The following TAFAZZIN variants were observed in gnomAD, a reference collection of about 807,000 sequenced individuals.
TAFAZZIN encodes protein G4.5.
In TAFAZZIN, 6 loss-of-function variants were observed where a neutral mutation model predicts 27.3. The observed-to-expected ratio is 0.22, with a 90% CI of 0.12 to 0.43. The LOEUF (loss-of-function observed/expected upper bound fraction) is 0.43, where lower values mean the gene tolerates loss of function less well. Ranked by LOEUF, TAFAZZIN falls within the 20% of genes least tolerant of loss-of-function variation. The probability of loss-of-function intolerance (pLI) is 1.00; values close to 1 mark genes in which losing one functional copy is unlikely to be tolerated. For synonymous variants in TAFAZZIN, 79 were observed against 96.2 expected (o/e 0.82, Z 1.04); for missense variants, 127 against 244.5 (o/e 0.52, Z 3.21).
rs1557190532 is a variant in TAFAZZIN, at chrX:154,411,697, G to T, written c.-147G>T. 1.8e-6 allele frequency: 1 copy of T among 558,561 alleles called. No individual in the cohort carries two copies. Among genetic ancestry groups the T allele is most frequent in the Non-Finnish European group, 2.9e-6 (1 of 339,259 alleles). 46.0% of individuals were successfully genotyped at this position (558,561 alleles called of 1,213,427 possible). A position where few individuals can be genotyped will look rare whatever the true frequency, so the allele number is the denominator to read the frequency against. ...CGGCCTGACCTGCGAAGGGACCTCG[G>T]TCCAGTCCCCTGTTGCGCCGCGCCC... On this transcript the variant is annotated 5_prime_UTR_variant, in exon 1 of 11. Coordinates refer to ENST00000601016, the MANE Select transcript of TAFAZZIN (RefSeq NM_000116.5).
At chrX:154,419,912 C>A in intron 7 of TAFAZZIN, 120 bp from the exon 8 acceptor site, 1 of 1,106,406 alleles carries the variant, frequency 9.0e-7, no homozygotes, top group Non-Finnish European at 1.2e-6. Flanking sequence ...CTCGCAGGGG[C>A]TTGCCCAAGG....
At chrX:154,413,992 C>G (rs1312482635) in intron 4 of TAFAZZIN, 109 bp from the exon 5 acceptor site, 1 of 558,372 alleles carries the variant, frequency 1.8e-6, no homozygotes, top group African/African-American at 2.3e-5. Context: ...CATTTTGATC[C>G]CTATTCTCCA....
intron 7 of TAFAZZIN, 107 bp downstream of exon 7, chrX:154,419,853 C>T (rs1021093944): frequency 4.3e-5 from 48 of 1,124,642 alleles, no homozygotes; most frequent in East Asian, 2.1e-4. Flanking sequence ...GGTAGATGGG[C>T]GTGTTTGTAG....
intron 5 of TAFAZZIN, among the ~76,000 whole-genome samples, chrX:154,415,512 ATAGG>A (rs782345304): frequency 4.5e-5 from 5 of 111,317 alleles, no homozygotes; most frequent in African/African-American, 1.6e-4. Flanking sequence ...AGGTGGGTAG[ATAGG>A]TAGGTAGGTA....
At chrX:154,416,137 C>T (rs1042815230) in intron 5 of TAFAZZIN, among the ~76,000 whole-genome samples, 7 of 110,060 alleles carry the variant, frequency 6.4e-5, no homozygotes, top group Admixed American at 9.7e-5. Flanking sequence ...CGGTGGCTCA[C>T]GCCTGTAATC....
At chrX:154,415,120 G>A (rs1411898858) in intron 5 of TAFAZZIN, among the ~76,000 whole-genome samples, 1 of 110,313 alleles carries the variant, frequency 9.1e-6, no homozygotes, top group Non-Finnish European at 1.9e-5. Flanking sequence ...TTGAGACAAT[G>A]TCTGTTTCTG....
At chrX:154,417,716 C>T (rs1199001744) in intron 5 of TAFAZZIN, among the ~76,000 whole-genome samples, 2 of 111,807 alleles carry the variant, frequency 1.8e-5, no homozygotes, top group African/African-American at 6.5e-5. Context: ...CTTTCTGCTG[C>T]TTTTGGAGGC....
At chrX:154,419,942 G>A in intron 7 of TAFAZZIN, 90 bp from the exon 8 acceptor site, 2 of 1,143,461 alleles carry the variant, frequency 1.7e-6, no homozygotes, top group Non-Finnish European at 2.4e-6. Flanking sequence ...TGAACTGGAG[G>A]ATGTCGGGGG....
chrX:154,413,207 G>A lies in TAFAZZIN; in HGVS notation c.239G>A (p.Gly80Glu). Residue 80 changes from glycine (G) to glutamate (E), a missense_variant and splice_region_variant, in exon 3 of 11, where the codon GGG becomes GAG. Coordinates refer to ENST00000601016, the MANE Select transcript of TAFAZZIN (RefSeq NM_000116.5). ...QSCMDDPHLW[G>E]ILKLRHIWNL... ...GCATGAAGCCTTTCCTGTCCTCTAGGGATCCTGAAACTCCGCCACATCTGG... is the reference window on the plus strand; with the variant it reads ...GCATGAAGCCTTTCCTGTCCTCTAGAGATCCTGAAACTCCGCCACATCTGG... The A allele has an allele frequency of 8.2e-7, 1 of 1,212,141 alleles. No homozygotes were observed. The highest frequency in any genetic ancestry group is 1.1e-6 in the Non-Finnish European group (1 of 895,563).
At chrX:154,417,802 G>C (rs782733449) in intron 5 of TAFAZZIN, among the ~76,000 whole-genome samples, 1 of 111,718 alleles carries the variant, frequency 9.0e-6, no homozygotes, top group Non-Finnish European at 1.9e-5. Flanking sequence ...GCAAATGACC[G>C]TGGCATTGTT....
intron 9 of TAFAZZIN, 51 bp from the exon 10 acceptor site, chrX:154,420,607 G>T (rs782324629): frequency 7.6e-6 from 9 of 1,186,953 alleles, no homozygotes; most frequent in South Asian, 5.3e-5. Flanking sequence ...CTTGGGCTGG[G>T]GCTGTGGGCA....
intron 5 of TAFAZZIN, among the ~76,000 whole-genome samples, chrX:154,416,796 A>G (rs1156362170): frequency 9.0e-6 from 1 of 111,253 alleles, no homozygotes; most frequent in African/African-American, 3.3e-5. Flanking sequence ...CTGTGGAAGG[A>G]GAGCAGTCCC....
rs782523340 is a variant in TAFAZZIN at position 154,420,975 on chromosome X, C to T, written c.850C>T (p.Leu284Phe). 12 of 1,211,739 alleles carry T rather than the reference C, an allele frequency of 9.9e-6. No individual in the cohort carries two copies. Among genetic ancestry groups the T allele is most frequent in the Non-Finnish European group, 1.3e-5 (12 of 895,254 alleles). The stretch of plus-strand genomic sequence containing the variant: ...GCATCTGAAGACTCAGGCAGAGCAG[C>T]TCCACAACCACCTCCAGCCTGGGAG... ...FQHLKTQAEQ[L>F]HNHLQPGR is the part of the protein sequence containing the mutation. Residue 284 changes from leucine to phenylalanine, a missense_variant, in exon 11 of 11, where the codon CTC becomes TTC. This residue lies in a region of TAFAZZIN where 31 missense variants were observed against 39.6 expected (regional missense o/e 0.78). Transcript: ENST00000601016.
chrX:154,411,626 C>T lies in TAFAZZIN; in HGVS notation c.-218C>T, dbSNP rs2068292477. 6.4e-6 allele frequency: 3 copies of T among 465,140 alleles called. No homozygotes were observed. The highest frequency in any genetic ancestry group is 5.0e-5 in the African/African-American group (2 of 40,195). 38.3% of individuals were successfully genotyped at this position (465,140 alleles called of 1,213,427 possible). ...GCAGCGCGCCCACGGCCTGTGACCCCGGCGACCGCTCCCCAGTGACGAGAG... is the reference window on the plus strand; with the variant it reads ...GCAGCGCGCCCACGGCCTGTGACCCTGGCGACCGCTCCCCAGTGACGAGAG... On this transcript the variant is annotated 5_prime_UTR_variant, in exon 1 of 11. Transcript: ENST00000601016.
Position 154,420,716 on chromosome X carries a change from G to A in TAFAZZIN, c.758G>A (p.Arg253Gln), listed in dbSNP as rs782653725. Residue 253 changes from arginine to glutamine, a missense_variant, in exon 10 of 11, where the codon CGG becomes CAG. Arg to Gln is a conservative substitution (Grantham distance 43, BLOSUM62 1). Transcript: ENST00000601016. ...FSALPVLERL[R>Q]AENKSAVEMR... is the part of the protein sequence containing the mutation. ...GCCCTGCCTGTACTCGAGCGGCTCC[G>A]GGCGGAGAACAAGTCGGCTGTGAGT... is the stretch of plus-strand genomic sequence containing the variant. The A allele has an allele frequency of 2.0e-5, 24 of 1,209,097 alleles. No homozygotes were observed. Among genetic ancestry groups the A allele is most frequent in the Middle Eastern group, 2.3e-4 (1 of 4,376 alleles).
chrX:154,419,904 C>T (rs1401272670), intron 7 of TAFAZZIN, 128 bp from the exon 8 acceptor site: 6 of 1,091,184 alleles, frequency 5.5e-6, no homozygotes, highest in Non-Finnish European at 6.3e-6. Context: ...GCCTGCCTCT[C>T]GCAGGGGCTT....
chrX:154,419,290 G>A (rs1007026402), intron 5 of TAFAZZIN: 18 of 427,948 alleles, frequency 4.2e-5, no homozygotes, highest in Non-Finnish European at 6.9e-5. Context: ...GCCCCACAGC[G>A]TGCCCAAGTG....
At chrX:154,416,755 T>C (rs1557193089) in intron 5 of TAFAZZIN, among the ~76,000 whole-genome samples, 1 of 110,897 alleles carries the variant, frequency 9.0e-6, no homozygotes, top group East Asian at 2.8e-4. Context: ...CAGTCCTGTT[T>C]TGCTTGTGCT....
intron 2 of TAFAZZIN, 29 bp downstream of exon 2, chrX:154,412,243 G>A: frequency 8.5e-7 from 1 of 1,182,774 alleles, no homozygotes; most frequent in Non-Finnish European, 1.1e-6. Flanking sequence ...TGGGCAGGGG[G>A]AGGAAAGGCG....
Sources: allele counts gnomAD v4.1 joint callset (sites outside exome capture counted in the v4.1 genomes callset), GRCh38; gene constraint gnomAD v4.1.1; regional missense constraint gnomAD v4.1.1; transcripts MANE v1.5; gene names NCBI Gene and HGNC (gene_info 2026-07-23, HGNC 2026-07-21).